FAM117B: variants seen among roughly 807,000 people sequenced by gnomAD.
FAM117B encodes protein FAM117B.
FAM117B carries 22 observed loss-of-function variants against 52.8 expected under a neutral mutation model. The ratio of observed to expected loss-of-function variants is 0.42; its 90% CI spans 0.30 to 0.59. The LOEUF (loss-of-function observed/expected upper bound fraction) is 0.59, where lower values mean the gene tolerates loss of function less well. FAM117B is among the 20% of genes least tolerant of loss of function. The probability of loss-of-function intolerance (pLI) is 0.22; values close to 1 mark genes in which losing one functional copy is unlikely to be tolerated. For missense variants in FAM117B, 678 were observed against 802.6 expected (o/e 0.84, Z 1.88); for synonymous variants, 309 against 324.1 (o/e 0.95, Z 0.50).
At chr2:202,726,589 T>C (rs977990694) in intron 4 of FAM117B, among the ~76,000 whole-genome samples, 10 of 152,224 alleles carry the variant, frequency 6.6e-5, no homozygotes, top group African/African-American at 2.4e-4. Context: ...TAGCTACTTA[T>C]CTATTTTGGT....
chr2:202,688,225 G>C (rs1198371554), intron 1 of FAM117B, among the ~76,000 whole-genome samples: 1 of 152,114 alleles, frequency 6.6e-6, no homozygotes, highest in Non-Finnish European at 1.5e-5. Flanking sequence ...GAATCAAGGA[G>C]TATGAATTTC....
At chr2:202,745,220 C>T (rs1691612864) in intron 4 of FAM117B, among the ~76,000 whole-genome samples, 1 of 151,016 alleles carries the variant, frequency 6.6e-6, no homozygotes, top group Non-Finnish European at 1.5e-5. Context: ...GCAGAGGTTG[C>T]AGTGAGTGGA....
intron 1 of FAM117B, among the ~76,000 whole-genome samples, chr2:202,666,614 C>G (rs184096504): frequency 1.3e-4 from 20 of 150,616 alleles, no homozygotes; most frequent in Non-Finnish European, 2.5e-4. Flanking sequence ...TCACTTTCTA[C>G]TGTATTCACT....
chr2:202,678,703 T>C (rs1690415439), intron 1 of FAM117B, among the ~76,000 whole-genome samples: 1 of 152,174 alleles, frequency 6.6e-6, no homozygotes, highest in African/African-American at 2.4e-5. Context: ...ATTACAGGCA[T>C]GCGCCACCAC....
chr2:202,672,440 C>G (rs902130625), intron 1 of FAM117B, among the ~76,000 whole-genome samples: 4 of 152,198 alleles, frequency 2.6e-5, no homozygotes, highest in Non-Finnish European at 5.9e-5. Context: ...TCTTGAACTC[C>G]TGATCTCAAG....
intron 2 of FAM117B, among the ~76,000 whole-genome samples, chr2:202,710,210 G>C (rs1353781531): frequency 6.6e-6 from 1 of 152,076 alleles, no homozygotes; most frequent in Non-Finnish European, 1.5e-5. Context: ...GATGACTTTG[G>C]GTAGTGTGGG....
At chr2:202,707,240 G>A (rs948982747) in intron 2 of FAM117B, among the ~76,000 whole-genome samples, 47 of 151,160 alleles carry the variant, frequency 3.1e-4, no homozygotes, top group South Asian at 2.1e-4. Context: ...GTAGAGATGC[G>A]GGCCTTACTA....
Position 202,757,283 on chromosome 2 carries a change from T to C in FAM117B, c.1175T>C (p.Ile392Thr), listed in dbSNP as rs770225577. Reference protein sequence around the residue: ...LVQRSSSTRSIDTQTPGGADR... With the variant: ...LVQRSSSTRSTDTQTPGGADR... The stretch of plus-strand genomic sequence containing the variant: ...CAGAGAAGTAGCAGCACGCGCAGCA[T>C]TGACACACAGACGCCTGGTGGGGCA... Residue 392 changes from isoleucine (I) to threonine (T), a missense_variant, in exon 6 of 8, where the codon ATT (isoleucine) becomes ACT (threonine). Physicochemically the swap from Ile to Thr is moderately conservative, Grantham distance 89. This residue lies in a region of FAM117B where 583 missense variants were observed against 644.8 expected (regional missense o/e 0.90). Coordinates refer to ENST00000392238, the MANE Select transcript of FAM117B (RefSeq NM_173511.4). The C allele has an allele frequency of 1.9e-6, 3 of 1,614,096 alleles. No individual in the cohort carries two copies. The highest frequency in any genetic ancestry group is 1.1e-5 in the South Asian group (1 of 91,072).
chr2:202,713,058 G>A (rs1013688472), intron 2 of FAM117B, among the ~76,000 whole-genome samples: 1 of 152,224 alleles, frequency 6.6e-6, no homozygotes, highest in East Asian at 1.9e-4. Context: ...AATGAGTTTG[G>A]AAATATTCCC....
intron 7 of FAM117B, among the ~76,000 whole-genome samples, chr2:202,760,182 C>T (rs560585486): frequency 1.3e-5 from 2 of 152,326 alleles, no homozygotes; most frequent in Admixed American, 1.3e-4. Context: ...CAGCTAATAT[C>T]CACTTGTTAC....
intron 7 of FAM117B, among the ~76,000 whole-genome samples, chr2:202,760,433 A>G (rs1408296058): frequency 6.6e-6 from 1 of 152,160 alleles, no homozygotes; most frequent in Admixed American, 6.5e-5. Context: ...TCCACAACAG[A>G]GTTTCCAGGG....
At chr2:202,759,715 G>A (rs571121901) in intron 7 of FAM117B, among the ~76,000 whole-genome samples, 3 of 152,056 alleles carry the variant, frequency 2.0e-5, no homozygotes, top group African/African-American at 7.2e-5. Context: ...CTACCACCAC[G>A]CCCGGCTAAT....
chr2:202,664,251 T>C (rs1390872228), intron 1 of FAM117B, among the ~76,000 whole-genome samples: 1 of 152,218 alleles, frequency 6.6e-6, no homozygotes, highest in African/African-American at 2.4e-5. Flanking sequence ...TGAAAGAATA[T>C]ATTGACTCCA....
chr2:202,648,528 CA>C (rs1490948682), intron 1 of FAM117B, among the ~76,000 whole-genome samples: 4 of 125,462 alleles, frequency 3.2e-5, no homozygotes, highest in Non-Finnish European at 6.5e-5. Flanking sequence ...ACCCCCCCCC[CA>C]AAACAAAAAA....
intron 4 of FAM117B, among the ~76,000 whole-genome samples, chr2:202,749,362 TA>T (rs1436447427): frequency 2.0e-5 from 3 of 150,446 alleles, no homozygotes; most frequent in Non-Finnish European, 4.4e-5. Flanking sequence ...AATGCCCTCA[TA>T]AAAAAATTAT....
At chr2:202,636,493 GT>G (rs903565705) in intron 1 of FAM117B, among the ~76,000 whole-genome samples, 1 of 152,132 alleles carries the variant, frequency 6.6e-6, no homozygotes, top group Non-Finnish European at 1.5e-5. Context: ...TCTTGTTATT[GT>G]TTTAGGGAGC....
chr2:202,757,385 G>T lies in FAM117B; in HGVS notation c.1277G>T (p.Ser426Ile), dbSNP rs954666677. 1 of 1,613,994 alleles carries T rather than the reference G, an allele frequency of 6.2e-7. No homozygotes were observed. The highest frequency in any genetic ancestry group is 1.3e-5 in the African/African-American group (1 of 74,874). ...TSFLTISNEG[S>I]EESPCSADDL... is the part of the protein sequence containing the mutation. ...TTCCTCACCATTTCCAATGAAGGTA[G>T]CGAGGAGAGTCCTTGCTCAGCGGAT... Residue 426 changes from serine to isoleucine, a missense_variant, in exon 6 of 8, where the codon AGC (serine) becomes ATC (isoleucine). Physicochemically the swap from Ser to Ile is moderately radical, Grantham distance 142. Coordinates refer to ENST00000392238, the MANE Select transcript of FAM117B (RefSeq NM_173511.4).
At chr2:202,684,166 C>T (rs1238712173) in intron 1 of FAM117B, among the ~76,000 whole-genome samples, 1 of 152,006 alleles carries the variant, frequency 6.6e-6, no homozygotes, top group Non-Finnish European at 1.5e-5. Context: ...TGCACCTGGC[C>T]CAAAACTTCT....
intron 4 of FAM117B, among the ~76,000 whole-genome samples, chr2:202,729,704 A>T (rs1360662825): frequency 6.6e-6 from 1 of 152,168 alleles, no homozygotes; most frequent in East Asian, 1.9e-4. Flanking sequence ...GTCTCAGAGA[A>T]AATGGTGTCT....
Sources: allele counts gnomAD v4.1 joint callset (sites outside exome capture counted in the v4.1 genomes callset), GRCh38; gene constraint gnomAD v4.1.1; regional missense constraint gnomAD v4.1.1; transcripts MANE v1.5; gene names NCBI Gene and HGNC (gene_info 2026-07-23, HGNC 2026-07-21).